The following CLECL1 variants were observed in gnomAD, a reference collection of about 807,000 sequenced individuals.
CLECL1 encodes the protein C-type lectin-like domain family 1.
the CLECL1 span, among the ~76,000 whole-genome samples, chr12:9,702,519 G>A: frequency 6.6e-6 from 1 of 152,180 alleles, no homozygotes; most frequent in African/African-American, 2.4e-5. Flanking sequence ...GGAAATGCAT[G>A]TTCTCATTTT....
upstream of CLECL1, chr12:9,733,334 A>G (rs1665711911): frequency 1.9e-6 from 2 of 1,045,928 alleles, no homozygotes; most frequent in South Asian, 3.0e-5. Flanking sequence ...TATTAATACC[A>G]CAGAAGATAT....
chr12:9,713,916 C>T (rs1487760615), downstream of CLECL1, among the ~76,000 whole-genome samples: 2 of 152,164 alleles, frequency 1.3e-5, no homozygotes, highest in Non-Finnish European at 2.9e-5. Context: ...GTACATGTGC[C>T]AGTTTTGTTA....
intron 1 of CLECL1, among the ~76,000 whole-genome samples, chr12:9,730,092 T>C (rs1866428501): frequency 1.3e-5 from 2 of 152,196 alleles, no homozygotes; most frequent in Admixed American, 6.5e-5. Flanking sequence ...CATAAAACCA[T>C]ACATTTAAAC....
At chr12:9,707,486 G>C in the CLECL1 span, among the ~76,000 whole-genome samples, 1 of 151,308 alleles carries the variant, frequency 6.6e-6, no homozygotes, top group African/African-American at 2.4e-5. Context: ...TGGGGGAAGG[G>C]AAGTGCTAGG....
At chr12:9,723,947 G>A (rs143306060) in intron 3 of CLECL1, among the ~76,000 whole-genome samples, 2 of 151,982 alleles carry the variant, frequency 1.3e-5, no homozygotes, top group African/African-American at 4.8e-5. Flanking sequence ...CAACACTATG[G>A]GAGGCTGAGG....
downstream of CLECL1, among the ~76,000 whole-genome samples, chr12:9,710,930 A>T (rs1866194572): frequency 6.6e-6 from 1 of 152,172 alleles, no homozygotes; most frequent in Non-Finnish European, 1.5e-5. Flanking sequence ...CCCATATGTG[A>T]TCTGATTCTT....
chr12:9,706,985 C>A, the CLECL1 span, among the ~76,000 whole-genome samples: 1 of 152,088 alleles, frequency 6.6e-6, no homozygotes, highest in African/African-American at 2.4e-5. Context: ...TGGTCCTGGG[C>A]TTTTCTGGGG....
upstream of CLECL1, chr12:9,733,283 T>C (rs747838636): frequency 8.4e-6 from 13 of 1,541,284 alleles, no homozygotes; most frequent in Non-Finnish European, 1.2e-5. Flanking sequence ...TTCTCGTTTT[T>C]CAGTTAGTTT....
chr12:9,733,381 G>C (rs1866478732), upstream of CLECL1: 5 of 651,782 alleles, frequency 7.7e-6, no homozygotes, highest in Non-Finnish European at 1.3e-5. Context: ...TCCTCTTTTA[G>C]TTCAGGCATA....
chr12:9,711,863 T>C (rs1866203305), downstream of CLECL1, among the ~76,000 whole-genome samples: 1 of 152,174 alleles, frequency 6.6e-6, no homozygotes, highest in Non-Finnish European at 1.5e-5. Context: ...TCTAACTGGA[T>C]TCCTGACATT....
the CLECL1 span, among the ~76,000 whole-genome samples, chr12:9,705,400 A>C: frequency 6.6e-6 from 1 of 152,060 alleles, no homozygotes; most frequent in African/African-American, 2.4e-5. Flanking sequence ...GAAGATCTTT[A>C]GTTTAATTAG....
downstream of CLECL1, among the ~76,000 whole-genome samples, chr12:9,718,291 A>G (rs751018953): frequency 6.6e-6 from 1 of 152,250 alleles, no homozygotes; most frequent in Admixed American, 6.5e-5. Context: ...CCTGTCGTAT[A>G]GAGTTTCCAA....
At chr12:9,703,972 ATGT>A in the CLECL1 span, 1 of 152,158 alleles carries the variant, frequency 6.6e-6, no homozygotes, top group Non-Finnish European at 1.5e-5. Flanking sequence ...TTCCACCTTA[ATGT>A]TACTCTTTAA....
downstream of CLECL1, among the ~76,000 whole-genome samples, chr12:9,715,485 AC>A (rs1219716994): frequency 1.3e-5 from 2 of 152,266 alleles, no homozygotes; most frequent in Admixed American, 6.5e-5. Flanking sequence ...GTGTTACTAT[AC>A]AAAGTTTCTC....
intron 2 of CLECL1, among the ~76,000 whole-genome samples, chr12:9,717,016 C>T (rs1347044532): frequency 2.0e-5 from 3 of 152,258 alleles, no homozygotes; most frequent in African/African-American, 4.8e-5. Flanking sequence ...GCAGCATGAA[C>T]GATGTCAAGT....
upstream of CLECL1, among the ~76,000 whole-genome samples, chr12:9,733,517 A>C (rs1264205487): frequency 6.6e-6 from 1 of 152,192 alleles, no homozygotes; most frequent in Non-Finnish European, 1.5e-5. Flanking sequence ...TATGTCTTTT[A>C]TCCTCCTCTC....
chr12:9,725,903 A>G (rs1248179836), intron 3 of CLECL1, among the ~76,000 whole-genome samples: 2 of 152,086 alleles, frequency 1.3e-5, no homozygotes, highest in Non-Finnish European at 2.9e-5. Context: ...TGGTGCTGAG[A>G]TTCTAAGAAT....
chr12:9,732,827 C>T, intron 1 of CLECL1, 122 bp downstream of exon 1: 1 of 743,974 alleles, frequency 1.3e-6, no homozygotes, highest in Non-Finnish European at 2.1e-6. Flanking sequence ...TCTTAGCATT[C>T]AATGAATTTT....
downstream of CLECL1, chr12:9,718,578 C>T (rs1009647149): frequency 2.3e-6 from 1 of 426,100 alleles, no homozygotes; most frequent in Non-Finnish European, 4.1e-6. Context: ...AAGTCCTAAT[C>T]GCCACTATCT....
Sources: allele counts gnomAD v4.1 joint callset (sites outside exome capture counted in the v4.1 genomes callset), GRCh38; gene constraint gnomAD v4.1.1; transcripts MANE v1.5; gene names NCBI Gene and HGNC (gene_info 2026-07-23, HGNC 2026-07-21).